Variants in DIABLO observed in about 807,000 individuals in gnomAD.
DIABLO encodes the protein diablo homolog, mitochondrial.
In DIABLO, 32 loss-of-function variants were observed where a neutral mutation model predicts 31.7. The observed-to-expected ratio is 1.01, with a 90% CI of 0.76 to 1.35. The LOEUF (loss-of-function observed/expected upper bound fraction) is 1.35. DIABLO is among the 40% of genes most tolerant of loss of function. The pLI, the probability that DIABLO is intolerant of heterozygous loss-of-function variation, is 0.00. For synonymous variants in DIABLO, 132 were observed against 103.2 expected, an observed-to-expected ratio of 1.28 and a Z score of -1.69; for missense variants, 316 against 286.4, an observed-to-expected ratio of 1.10 and a Z score of -0.75.
intron 4 of DIABLO, 57 bp downstream of exon 4, chr12:122,216,702 T>C: frequency 1.3e-6 from 2 of 1,562,462 alleles, no homozygotes; most frequent in Middle Eastern, 1.7e-4. Context: ...TTCAATAATT[T>C]AGATACCACA....
intron 5 of DIABLO, among the ~76,000 whole-genome samples, chr12:122,214,829 C>A (rs1176805045): frequency 6.6e-6 from 1 of 152,132 alleles, no homozygotes; most frequent in Admixed American, 6.5e-5. Context: ...CATTCTCCTG[C>A]ACAGGCGTGT....
At chr12:122,210,449 T>TCCCG (rs1266617355) in intron 5 of DIABLO, among the ~76,000 whole-genome samples, 2 of 149,732 alleles carry the variant, frequency 1.3e-5, no homozygotes, top group African/African-American at 4.9e-5. Context: ...CTCGGCTCAC[T>TCCCG]GTAAGCTCCA....
chr12:122,217,648 G>A (rs1954245185), intron 3 of DIABLO: 1 of 155,282 alleles, frequency 6.4e-6, no homozygotes, highest in African/African-American at 2.4e-5. Flanking sequence ...TGGAGTAACT[G>A]GGACTACAGG....
At chr12:122,225,483 T>C (rs1954438745) in intron 1 of DIABLO, 33 of 1,025,530 alleles carry the variant, frequency 3.2e-5, no homozygotes, top group Non-Finnish European at 3.7e-5. Context: ...TCTGGACCCC[T>C]GGCCTGGGTG....
upstream of DIABLO, chr12:122,226,058 AG>A (rs1276694297): frequency 1.1e-5 from 17 of 1,580,234 alleles, no homozygotes; most frequent in Admixed American, 3.6e-5. Flanking sequence ...GAAGTGACGC[AG>A]CTTCGTGAGC....
At position 122,207,734 on chromosome 12, in the gene DIABLO, A is replaced by ATTCTC. The variant is rs1323149553; in HGVS notation, c.*646_*647insGAGAA. 4 of 504,284 alleles carry ATTCTC rather than the reference A, an allele frequency of 7.9e-6. No homozygotes were observed. In the Admixed American group the frequency reaches 9.1e-5, roughly 11 times the overall value. 31.2% of individuals were successfully genotyped at this position (504,284 alleles called of 1,614,324 possible). On this transcript the variant is annotated 3_prime_UTR_variant, in exon 6 of 6. Transcript: ENST00000464942. Reference sequence around the variant, plus strand: ...CTTACACTCTTCTCCTTTGGATACAATAGAGAAACGGAAAGAAAGGAAGGA... The same window carrying ATTCTC: ...CTTACACTCTTCTCCTTTGGATACAATTCTCTAGAGAAACGGAAAGAAAGGAAGGA...
intron 1 of DIABLO, chr12:122,225,693 G>A: frequency 2.1e-6 from 3 of 1,401,092 alleles, no homozygotes; most frequent in Non-Finnish European, 2.8e-6. Context: ...GACGAGGGCT[G>A]GTCAGGAGGC....
upstream of DIABLO, chr12:122,226,192 A>G (rs1314077562): frequency 3.9e-6 from 4 of 1,014,876 alleles, no homozygotes; most frequent in Admixed American, 8.0e-5. Flanking sequence ...AAAGGCTGTA[A>G]CGGCCGCGCA....
intron 5 of DIABLO, among the ~76,000 whole-genome samples, chr12:122,215,882 GGAAAAAA>G (rs1172248110): frequency 7.2e-4 from 15 of 20,900 alleles, no homozygotes; most frequent in Non-Finnish European, 1.2e-3. Context: ...ATTTTATGAA[GGAAAAAA>G]AAAAAAAAAA....
upstream of DIABLO, chr12:122,226,492 T>C (rs1319628558): frequency 4.3e-6 from 3 of 698,654 alleles, no homozygotes; most frequent in Non-Finnish European, 7.8e-6. Flanking sequence ...ATGAGCACCG[T>C]GTAGCTGAGG....
intron 4 of DIABLO, 23 bp downstream of exon 4, chr12:122,216,736 A>G (rs774045207): frequency 6.2e-7 from 1 of 1,608,068 alleles, no homozygotes; most frequent in Non-Finnish European, 8.5e-7. Flanking sequence ...CTAACACAGA[A>G]ATGCCTAGAA....
chr12:122,220,087 G>A (rs1380428582), intron 2 of DIABLO, among the ~76,000 whole-genome samples: 1 of 151,532 alleles, frequency 6.6e-6, no homozygotes, highest in African/African-American at 2.4e-5. Context: ...GGGATTTCAG[G>A]CACCTGCCAC....
chr12:122,210,371 CTTTTTTTTTT>C (rs11312074), intron 5 of DIABLO, among the ~76,000 whole-genome samples: 1 of 73,828 alleles, frequency 1.4e-5, no homozygotes, highest in East Asian at 3.9e-4. Flanking sequence ...CCATTTCTAC[CTTTTTTTTTT>C]TTTTTTTTTT....
At chr12:122,225,461 G>A (rs1217433635) in intron 1 of DIABLO, 2 of 1,007,802 alleles carry the variant, frequency 2.0e-6, no homozygotes, top group Admixed American at 5.3e-5. Flanking sequence ...GCTCCTGCAG[G>A]CAGAATTTAG....
At chr12:122,224,366 C>T (rs1018881002) in intron 2 of DIABLO, 146 bp downstream of exon 2, 1 of 1,186,546 alleles carries the variant, frequency 8.4e-7, no homozygotes, top group African/African-American at 1.5e-5. Context: ...AATATATCTG[C>T]TCAACTGTGA....
In DIABLO at chr12:122,225,759, A is replaced by AC. The variant is rs1287549915; in HGVS notation, c.50+205dup. 9 of 1,438,980 alleles carry AC rather than the reference A, an allele frequency of 6.3e-6. No individual in the cohort carries two copies. In the East Asian group the frequency reaches 2.0e-4, roughly 32 times the overall value. 89.1% of individuals were successfully genotyped at this position (1,438,980 alleles called of 1,614,324 possible). A position where few individuals can be genotyped will look rare whatever the true frequency, so the allele number is the denominator to read the frequency against. On this transcript the variant is annotated intron_variant, in intron 1 of 5. Coordinates refer to ENST00000464942, the MANE Select transcript of DIABLO (RefSeq NM_001371333.1). ...TCGGGGACTCGTTTCTAGAAGATGG[A>AC]CGAACTGAAAAGGAAGCCGGGCTTG...
chr12:122,208,421 C>T lies in DIABLO; in HGVS notation c.680G>A (p.Arg227Gln), dbSNP rs749282754. ...GTAGGCCTCCTGCTCCGACTCAGCC[C>T]GCTCCTCCCCTTCCTCCTGTGTTTT... ...RQKTQEEGEE[R>Q]AESEQEAYLR... Residue 227 changes from arginine to glutamine, a missense_variant, in exon 6 of 6, where the codon CGG becomes CAG. Transcript: ENST00000464942. 3.7e-6 allele frequency: 6 copies of T among 1,613,474 alleles called. No homozygotes were observed. Among genetic ancestry groups the T allele is most frequent in the Admixed American group, 3.3e-5 (2 of 60,018 alleles).
At chr12:122,219,242 C>A (rs1954283276) in intron 2 of DIABLO, among the ~76,000 whole-genome samples, 3 of 151,058 alleles carry the variant, frequency 2.0e-5, no homozygotes, top group South Asian at 4.2e-4. Flanking sequence ...AAAAAAAAAA[C>A]AAAAAACCAA....
chr12:122,222,898 C>G (rs999505502), intron 2 of DIABLO, among the ~76,000 whole-genome samples: 1 of 152,086 alleles, frequency 6.6e-6, no homozygotes, highest in Non-Finnish European at 1.5e-5. Flanking sequence ...TGCTTCCTAA[C>G]AGGCCACAGA....
Sources: allele counts gnomAD v4.1 joint callset (sites outside exome capture counted in the v4.1 genomes callset), GRCh38; gene constraint gnomAD v4.1.1; transcripts MANE v1.5; gene names NCBI Gene and HGNC (gene_info 2026-07-23, HGNC 2026-07-21).